Variants in KDM1A observed in about 807,000 individuals in gnomAD.
The protein encoded by KDM1A is lysine demethylase 1A, also known as lysine-specific histone demethylase 1A.
In KDM1A, 49 loss-of-function variants were observed where a neutral mutation model predicts 109.4. That is an observed-to-expected ratio of 0.45 (90% CI 0.36 to 0.57). The LOEUF is 0.57. KDM1A is among the 20% of genes least tolerant of loss of function. KDM1A has a pLI of 0.00. For missense variants in KDM1A, 668 were observed against 1,116.6 expected, an observed-to-expected ratio of 0.60 and a Z score of 5.73; for synonymous variants, 380 against 415.4, an observed-to-expected ratio of 0.91 and a Z score of 1.04.
chr1:23,019,962 T>G lies in KDM1A; in HGVS notation c.351+15T>G, dbSNP rs776184218. ...AGCGGGCGAAGGTAAGGCTCGACCC[T>G]TCCCTCAAACGACACCGCCTGGTGC... On this transcript the variant is annotated intron_variant, in intron 1 of 20. Transcript: ENST00000400181. 1.3e-6 allele frequency: 2 copies of G among 1,513,336 alleles called. No homozygotes were observed. Among genetic ancestry groups the G allele is most frequent in the Non-Finnish European group, 1.8e-6 (2 of 1,135,532 alleles). The allele number at this position is 1,513,336 out of a possible 1,614,324, so 93.7% of individuals were successfully genotyped here.
chr1:23,083,403 T>G lies in KDM1A; in HGVS notation c.*39T>G. 1 of 1,570,584 alleles carries G rather than the reference T, an allele frequency of 6.4e-7. No individual in the cohort carries two copies. Among genetic ancestry groups the G allele is most frequent in the Non-Finnish European group, 8.7e-7 (1 of 1,153,872 alleles). The stretch of plus-strand genomic sequence containing the variant: ...TAAGGGAAGAGGCCCATGTGCCTGT[T>G]TCTGCCATGTAAGGAAGGCTCTTCT... On this transcript the variant is annotated 3_prime_UTR_variant, in exon 21 of 21. Coordinates refer to ENST00000400181, the MANE Select transcript of KDM1A (RefSeq NM_001009999.3).
chr1:23,053,348 T>G (rs1044491949), intron 4 of KDM1A, among the ~76,000 whole-genome samples: 6 of 152,200 alleles, frequency 3.9e-5, no homozygotes, highest in African/African-American at 1.4e-4. Flanking sequence ...GGAAAGCCCA[T>G]GTTTGGGGCC....
intron 14 of KDM1A, among the ~76,000 whole-genome samples, chr1:23,072,656 T>G (rs1264405199): frequency 2.6e-5 from 4 of 152,180 alleles, no homozygotes; most frequent in African/African-American, 9.7e-5. Flanking sequence ...CCACCCTTTC[T>G]TTTTTTGAGA....
chr1:23,044,938 A>G (rs545354013), intron 3 of KDM1A, among the ~76,000 whole-genome samples: 1 of 152,344 alleles, frequency 6.6e-6, no homozygotes, highest in South Asian at 2.1e-4. Flanking sequence ...CTTTTTAAAA[A>G]TGGTTGTTAC....
chr1:23,067,772 A>G (rs1303206039), intron 10 of KDM1A, among the ~76,000 whole-genome samples: 1 of 152,172 alleles, frequency 6.6e-6, no homozygotes, highest in Non-Finnish European at 1.5e-5. Context: ...GCAGTAGCAG[A>G]GGGGTGTTTG....
chr1:23,082,356 G>A lies in KDM1A; in HGVS notation c.2435G>A (p.Gly812Asp). Residue 812 changes from glycine to aspartate, a missense_variant, in exon 20 of 21, where the codon GGT becomes GAT. Coordinates refer to ENST00000400181, the MANE Select transcript of KDM1A (RefSeq NM_001009999.3). ...QPITPGPSIPGAPQPIPRLFF... is the reference protein window; with the variant it reads ...QPITPGPSIPDAPQPIPRLFF... ...ATCACTCCTGGCCCCTCGATTCCAG[G>A]TGCCCCACAGGTGAGAAGCTGGCAA... The A allele has an allele frequency of 6.2e-7, 1 of 1,612,870 alleles. No individual in the cohort carries two copies. Among genetic ancestry groups the A allele is most frequent in the Non-Finnish European group, 8.5e-7 (1 of 1,179,406 alleles).
At chr1:23,068,499 G>A (rs2124508154) in intron 10 of KDM1A, 40 bp from the exon 11 acceptor site, 1 of 1,519,814 alleles carries the variant, frequency 6.6e-7, no homozygotes, top group Non-Finnish European at 8.8e-7. Flanking sequence ...GTTATGTTTA[G>A]TTTTATAAGG....
At chr1:23,072,604 C>G (rs1162826681) in intron 14 of KDM1A, among the ~76,000 whole-genome samples, 1 of 152,178 alleles carries the variant, frequency 6.6e-6, no homozygotes, top group Non-Finnish European at 1.5e-5. Flanking sequence ...TTGCATCCAG[C>G]CTCCACATAA....
chr1:23,042,320 C>G (rs1272987677), intron 2 of KDM1A, among the ~76,000 whole-genome samples: 1 of 151,700 alleles, frequency 6.6e-6, no homozygotes, highest in Non-Finnish European at 1.5e-5. Context: ...TTTCATTGTT[C>G]TGAGTCCCTC....
chr1:23,020,105 G>C, intron 1 of KDM1A, 158 bp downstream of exon 1: 1 of 803,540 alleles, frequency 1.2e-6, no homozygotes, highest in East Asian at 3.4e-5. Flanking sequence ...CTGGACGGGT[G>C]GGGTGAGAAA....
intron 20 of KDM1A, 157 bp from the exon 21 acceptor site, chr1:23,083,022 C>T: frequency 3.2e-6 from 2 of 623,762 alleles, no homozygotes; most frequent in South Asian, 4.4e-5. Flanking sequence ...TGGGAAAGTG[C>T]CTACTGATAA....
At chr1:23,069,483 C>T (rs1257682024) in intron 12 of KDM1A, among the ~76,000 whole-genome samples, 1 of 152,124 alleles carries the variant, frequency 6.6e-6, no homozygotes, top group Non-Finnish European at 1.5e-5. Flanking sequence ...TACACTAACA[C>T]TAATGATAGC....
chr1:23,048,180 G>C (rs139427678), intron 3 of KDM1A, among the ~76,000 whole-genome samples: 22 of 152,044 alleles, frequency 1.4e-4, no homozygotes, highest in African/African-American at 5.1e-4. Context: ...ATACTTGGTT[G>C]AAATACTCAG....
intron 16 of KDM1A, among the ~76,000 whole-genome samples, chr1:23,077,968 T>C (rs1182191272): frequency 6.6e-6 from 1 of 152,236 alleles, no homozygotes; most frequent in East Asian, 1.9e-4. Context: ...TCATTATTAT[T>C]GCTGGTTTCA....
chr1:23,059,472 T>G (rs1046243095), intron 9 of KDM1A: 2 of 393,720 alleles, frequency 5.1e-6, no homozygotes, highest in African/African-American at 2.1e-5. Flanking sequence ...AAGGGACTTA[T>G]GGAATTGAAA....
At position 23,079,558 on chromosome 1, in the gene KDM1A, G is replaced by A. The variant is rs559879728; in HGVS notation, c.2061G>A (p.Val687=). 87 of 1,613,190 alleles carry A rather than the reference G, an allele frequency of 5.4e-5. 1 individual carries two copies. The East Asian group carries it at 1.4e-3, about 27-fold the overall frequency. Residue 687 remains valine, a synonymous_variant, in exon 18 of 21, where the codon GTG becomes GTA. Transcript: ENST00000400181. This position sits in a 1 kb window ranked among gnomAD's most constrained non-coding sequence, Gnocchi z 5.6. ...GTGCTTCTTTCTTATGGTAGGTGGT[G>A]TTGTGTTTTGATCGGGTGTTCTGGG... ...RMGFGNLNKV[V]LCFDRVFWDP...
At chr1:23,055,460 G>A (rs1642805118) in intron 6 of KDM1A, 1 of 190,282 alleles carries the variant, frequency 5.3e-6, no homozygotes, top group South Asian at 1.8e-4. Flanking sequence ...AAAATGAGAG[G>A]AGTTCATTCT....
At chr1:23,082,400 G>A in intron 20 of KDM1A, 34 bp downstream of exon 20, 1 of 1,581,140 alleles carries the variant, frequency 6.3e-7, no homozygotes, top group Admixed American at 1.8e-5. Flanking sequence ...GGCTTATTTG[G>A]GAAGAGGCCA....
Position 23,057,570 on chromosome 1 carries a change from G to C in KDM1A, c.1072+5G>C, listed in dbSNP as rs1214329613. ...CCATGGTGGTAACAGGTCTTGGTAA[G>C]TAGCTATTGGTTTGTGCTATATAGT... On this transcript the variant is annotated splice_donor_5th_base_variant and intron_variant, in intron 8 of 20. Coordinates refer to ENST00000400181, the MANE Select transcript of KDM1A (RefSeq NM_001009999.3). 1.9e-6 allele frequency: 3 copies of C among 1,608,092 alleles called. No individual in the cohort carries two copies. The highest frequency in any genetic ancestry group is 2.6e-6 in the Non-Finnish European group (3 of 1,174,692).
Sources: gnomAD v4.1 joint callset for allele counts (sites outside exome capture counted in the v4.1 genomes callset) on GRCh38, gnomAD v4.1.1 for gene constraint, Gnocchi (gnomAD v3.1) non-coding constraint, MANE v1.5 for transcripts, NCBI Gene and HGNC (gene_info 2026-07-23, HGNC 2026-07-21) for gene names.